GRID1: variants seen among roughly 807,000 people sequenced by gnomAD.
The protein encoded by GRID1 is glutamate receptor ionotropic, delta-1.
A neutral mutation model predicts 98.0 loss-of-function variants in GRID1; 28 were observed. The ratio of observed to expected loss-of-function variants is 0.29; its 90% CI spans 0.21 to 0.39. The LOEUF (loss-of-function observed/expected upper bound fraction) is 0.39, where lower values mean the gene tolerates loss of function less well. GRID1 is among the 10% of genes least tolerant of loss of function. The pLI, the probability that GRID1 is intolerant of heterozygous loss-of-function variation, is 1.00. For synonymous variants in GRID1, 553 were observed against 538.5 expected, an observed-to-expected ratio of 1.03 and a Z score of -0.37; for missense variants, 1,111 against 1,340.5, an observed-to-expected ratio of 0.83 and a Z score of 2.67.
In GRID1 at chr10:85,883,549, C is replaced by A. The variant is rs1268297811; in HGVS notation, c.781-14369G>T. Among the ~76,000 whole-genome samples, 3 of 149,630 alleles carry A rather than the reference C, an allele frequency of 2.0e-5. No individual in the cohort carries two copies. The Admixed American group carries it at 2.0e-4, about 10-fold the overall frequency. On this transcript the variant is annotated intron_variant, in intron 5 of 15. Coordinates refer to ENST00000327946, the MANE Select transcript of GRID1 (RefSeq NM_017551.3). ...CTCTCTGTCTCTCTCTCTCTCTCTC[C>A]TCTTCCCTCCCTCTCTCCCATCTTC...
At chr10:86,052,249 T>C (rs1036462978) in intron 4 of GRID1, among the ~76,000 whole-genome samples, 1 of 152,210 alleles carries the variant, frequency 6.6e-6, no homozygotes, top group Non-Finnish European at 1.5e-5. Flanking sequence ...TATACTCTTA[T>C]CTGCTTATAA....
At chr10:86,357,365 T>C (rs11201991) in intron 2 of GRID1, among the ~76,000 whole-genome samples, 36,030 of 152,090 alleles carry the variant, frequency 0.24, 4,915 homozygotes, top group South Asian at 0.45. Context: ...CAGCAGCAGC[T>C]CAGAGGCAGT....
chr10:85,775,883 G>A (rs1480881397), intron 8 of GRID1, among the ~76,000 whole-genome samples: 1 of 152,098 alleles, frequency 6.6e-6, no homozygotes, highest in Non-Finnish European at 1.5e-5. Context: ...TGGGTGGGGA[G>A]CAGGACTTTC....
intron 5 of GRID1, among the ~76,000 whole-genome samples, chr10:85,874,785 G>A (rs1240205237): frequency 6.6e-6 from 1 of 151,966 alleles, no homozygotes; most frequent in Non-Finnish European, 1.5e-5. Flanking sequence ...GTCATTTTTA[G>A]GTCCATTAAA....
chr10:86,355,776 A>T (rs1322507481), intron 2 of GRID1, among the ~76,000 whole-genome samples: 1 of 152,234 alleles, frequency 6.6e-6, no homozygotes, highest in African/African-American at 2.4e-5. Context: ...CCTGTCAGAG[A>T]GGGCAGCACC....
chr10:85,824,626 T>C (rs1482026085), intron 8 of GRID1, among the ~76,000 whole-genome samples: 1 of 152,214 alleles, frequency 6.6e-6, no homozygotes, highest in Non-Finnish European at 1.5e-5. Flanking sequence ...TCTCAGATTT[T>C]AGTGCATCTG....
chr10:86,018,709 G>C (rs997316963), intron 4 of GRID1, among the ~76,000 whole-genome samples: 1 of 152,128 alleles, frequency 6.6e-6, no homozygotes, highest in East Asian at 1.9e-4. Flanking sequence ...CTTGCTGCTC[G>C]GGGAGCTCTG....
chr10:86,110,828 A>C (rs1844470293), intron 4 of GRID1, among the ~76,000 whole-genome samples: 1 of 152,244 alleles, frequency 6.6e-6, no homozygotes, highest in Non-Finnish European at 1.5e-5. Flanking sequence ...TTTAACAACC[A>C]AATAAAATTC....
intron 5 of GRID1, among the ~76,000 whole-genome samples, chr10:85,913,318 A>G (rs1027598637): frequency 6.6e-6 from 1 of 152,230 alleles, no homozygotes; most frequent in African/African-American, 2.4e-5. Flanking sequence ...GTCCTCAAAT[A>G]GGATCCCAGA....
At position 85,723,127 on chromosome 10, in the gene GRID1, C is replaced by T. The variant is rs201449834; in HGVS notation, c.1873G>A (p.Val625Met). The T allele has an allele frequency of 2.6e-5, 41 of 1,607,446 alleles. No homozygotes were observed. Among genetic ancestry groups the T allele is most frequent in the African/African-American group, 1.3e-4 (10 of 74,786 alleles). ...AFVQQGGESS[V>M]NSMAMRIVMG... ...ACGATGCGCATGGCCATGGAGTTCA[C>T]GGAAGATTCGCCACCTGCGGGAGGC... The change falls in exon 12 of 16, where the codon GTG becomes ATG. Residue 625 changes from valine (V) to methionine (M), a missense_variant. Around this residue, in one of 3 missense-constraint regions of GRID1, gnomAD observed 762 missense variants for 869.1 expected, o/e 0.88. Coordinates refer to ENST00000327946, the MANE Select transcript of GRID1 (RefSeq NM_017551.3).
chr10:85,693,976 T>C (rs1199972133), intron 12 of GRID1, among the ~76,000 whole-genome samples: 1 of 152,128 alleles, frequency 6.6e-6, no homozygotes, highest in African/African-American at 2.4e-5. Context: ...TAGTCAACAT[T>C]GTGAACAGAC....
chr10:86,356,077 T>C (rs994786814), intron 2 of GRID1, among the ~76,000 whole-genome samples: 5 of 152,098 alleles, frequency 3.3e-5, no homozygotes, highest in African/African-American at 1.2e-4. Flanking sequence ...GCTGGGCTTG[T>C]CCAGGCACTA....
intron 12 of GRID1, among the ~76,000 whole-genome samples, chr10:85,673,379 C>T (rs923317876): frequency 3.3e-5 from 5 of 152,214 alleles, no homozygotes; most frequent in African/African-American, 9.7e-5. Flanking sequence ...GTGACTCCAA[C>T]GTTCACAGAA....
chr10:86,310,237 A>G (rs1303946712), intron 2 of GRID1, among the ~76,000 whole-genome samples: 1 of 152,224 alleles, frequency 6.6e-6, no homozygotes, highest in African/African-American at 2.4e-5. Flanking sequence ...GCCCATAGCC[A>G]CTAGTGGGTC....
rs895907923 is a variant in GRID1, at chr10:85,916,824, CTTGCCATCT to C, written c.727-594_727-586del. Among the ~76,000 whole-genome samples, 2 of 152,234 alleles carry C rather than the reference CTTGCCATCT, an allele frequency of 1.3e-5. No individual in the cohort carries two copies. Among genetic ancestry groups the C allele is most frequent in the African/African-American group, 4.8e-5 (2 of 41,468 alleles). ...TGTTTTGTTCTGTTTCTTTATGGCA[CTTGCCATCT>C]TTGTGCTTGAATGGCTATCAGTTTA... is the stretch of plus-strand genomic sequence containing the variant. On this transcript the variant is annotated intron_variant, in intron 4 of 15. Transcript: ENST00000327946. The surrounding 1 kb of genome is among the most constrained non-coding windows in gnomAD (Gnocchi z 4.0).
At chr10:86,226,432 T>TCCCACCCCAGCAC in intron 2 of GRID1, among the ~76,000 whole-genome samples, 1 of 10,740 alleles carries the variant, frequency 9.3e-5, no homozygotes, top group African/African-American at 4.7e-4. Flanking sequence ...CACCCCAGCA[T>TCCCACCCCAGCAC]ACCCTCCCAC....
intron 4 of GRID1, among the ~76,000 whole-genome samples, chr10:86,083,571 T>C (rs1189912882): frequency 6.6e-6 from 1 of 152,242 alleles, no homozygotes; most frequent in African/African-American, 2.4e-5. Context: ...CTACAACTTA[T>C]ATTCCTTTTC....
rs1231448440 is a variant in GRID1 at position 86,366,308 on chromosome 10, G to A, written c.79+6C>T. 6.7e-7 allele frequency: 1 copy of A among 1,490,258 alleles called. No individual in the cohort carries two copies. The highest frequency in any genetic ancestry group is 9.0e-7 in the Non-Finnish European group (1 of 1,116,528). The allele number at this position is 1,490,258 out of a possible 1,614,324, so 92.3% of individuals were successfully genotyped here. On this transcript the variant is annotated splice_donor_region_variant and intron_variant, in intron 1 of 15. Transcript: ENST00000327946. This position sits in a 1 kb window ranked among gnomAD's most constrained non-coding sequence, Gnocchi z 4.1. ...CAGCCTCGGCCCGGCCTCCAGCCGC[G>A]CTTACCGATGTGGATGATGGAGTCG...
chr10:85,848,664 A>G (rs1180161571), intron 8 of GRID1, among the ~76,000 whole-genome samples: 2 of 152,234 alleles, frequency 1.3e-5, no homozygotes, highest in Admixed American at 6.5e-5. Context: ...TAAAGATTGT[A>G]GCTGACTTTT....
Sources: gnomAD v4.1 joint callset for allele counts (sites outside exome capture counted in the v4.1 genomes callset) on GRCh38, gnomAD v4.1.1 for gene constraint, gnomAD v4.1.1 regional missense constraint, Gnocchi (gnomAD v3.1) non-coding constraint, MANE v1.5 for transcripts, NCBI Gene and HGNC (gene_info 2026-07-23, HGNC 2026-07-21) for gene names.